Variants in CALN1 observed in about 807,000 individuals in gnomAD.
CALN1 encodes the protein calcium-binding protein 8.
CALN1 carries 17 observed loss-of-function variants against 30.6 expected under a neutral mutation model. The ratio of observed to expected loss-of-function variants is 0.56; its 90% CI spans 0.38 to 0.83. The LOEUF (loss-of-function observed/expected upper bound fraction) is 0.83. CALN1 is among the 40% of genes least tolerant of loss of function. CALN1 has a pLI of 0.00. For missense variants in CALN1, 291 were observed against 354.9 expected (o/e 0.82, Z 1.45); for synonymous variants, 156 against 131.4 (o/e 1.19, Z -1.28).
At chr7:71,952,953 G>C (rs1349276312) in intron 5 of CALN1, among the ~76,000 whole-genome samples, 3 of 152,074 alleles carry the variant, frequency 2.0e-5, no homozygotes, top group Admixed American at 1.3e-4. Context: ...TCGTGACTCA[G>C]TCCTCCATAA....
intron 3 of CALN1, among the ~76,000 whole-genome samples, chr7:72,204,008 T>G (rs1325418510): frequency 1.7e-5 from 2 of 120,518 alleles, no homozygotes; most frequent in African/African-American, 3.0e-5. Flanking sequence ...TTTTTTTTTT[T>G]TGAGACAGAG....
intron 5 of CALN1, among the ~76,000 whole-genome samples, chr7:71,884,254 T>C (rs960327396): frequency 6.6e-6 from 1 of 152,042 alleles, no homozygotes; most frequent in African/African-American, 2.4e-5. Context: ...CCTGGGACTT[T>C]TGGGGATGGG....
chr7:72,352,093 G>A (rs1802950555), intron 2 of CALN1, among the ~76,000 whole-genome samples: 1 of 152,188 alleles, frequency 6.6e-6, no homozygotes. Context: ...TTTGAACCCA[G>A]GAGGTGGAGG....
intron 5 of CALN1, among the ~76,000 whole-genome samples, chr7:71,831,997 G>A (rs777671226): frequency 7.9e-5 from 12 of 151,446 alleles, no homozygotes; most frequent in East Asian, 1.9e-4. Flanking sequence ...TGATAGGCCC[G>A]TTAATGATGT....
At chr7:71,871,634 C>A (rs1161530867) in intron 5 of CALN1, among the ~76,000 whole-genome samples, 5 of 152,152 alleles carry the variant, frequency 3.3e-5, no homozygotes, top group African/African-American at 4.8e-5. Context: ...TGCCTGCCCC[C>A]ACTCCCACCA....
rs549043500 is a variant in CALN1 at position 71,990,609 on chromosome 7, C to T, written c.501+33048G>A. 3.9e-5 allele frequency among the ~76,000 whole-genome samples: 6 copies of T among 152,112 alleles called. No individual in the cohort carries two copies. The East Asian group carries it at 7.7e-4, about 20-fold the overall frequency. ...CTGTGATTACAGGTATGCATCACCACGCCCGGCTAAGTTTTGTATTTTTAG... is the reference window on the plus strand; with the variant it reads ...CTGTGATTACAGGTATGCATCACCATGCCCGGCTAAGTTTTGTATTTTTAG... On this transcript the variant is annotated intron_variant, in intron 5 of 6. Transcript: ENST00000395275.
chr7:72,172,464 C>T (rs1789038086), intron 3 of CALN1, among the ~76,000 whole-genome samples: 1 of 152,026 alleles, frequency 6.6e-6, no homozygotes, highest in Non-Finnish European at 1.5e-5. Flanking sequence ...AAAAAGCAGA[C>T]AAAACAATGA....
At chr7:72,077,401 G>A (rs1804821668) in intron 4 of CALN1, among the ~76,000 whole-genome samples, 1 of 152,180 alleles carries the variant, frequency 6.6e-6, no homozygotes, top group African/African-American at 2.4e-5. Context: ...AGCCTCCTGA[G>A]TAGCTGGGAT....
chr7:72,328,674 C>T (rs1438860104), intron 2 of CALN1, among the ~76,000 whole-genome samples: 1 of 152,156 alleles, frequency 6.6e-6, no homozygotes, highest in Non-Finnish European at 1.5e-5. Context: ...CTATTCAAGG[C>T]ATTGGTGATC....
intron 3 of CALN1, among the ~76,000 whole-genome samples, chr7:72,138,117 G>A (rs1015826382): frequency 6.6e-6 from 1 of 152,144 alleles, no homozygotes; most frequent in Non-Finnish European, 1.5e-5. Flanking sequence ...AATGACATGA[G>A]CAAATATGTT....
At chr7:72,174,533 A>G (rs1433240477) in intron 3 of CALN1, among the ~76,000 whole-genome samples, 3 of 152,234 alleles carry the variant, frequency 2.0e-5, no homozygotes, top group African/African-American at 2.4e-5. Context: ...GTGGATGGAT[A>G]AATTGTGGAA....
At chr7:72,351,065 C>T (rs371599299) in intron 2 of CALN1, among the ~76,000 whole-genome samples, 2 of 152,044 alleles carry the variant, frequency 1.3e-5, no homozygotes, top group South Asian at 2.1e-4. Flanking sequence ...CACTGGAACC[C>T]GGGAGGTGGA....
chr7:72,363,300 G>A (rs988598219), intron 2 of CALN1, among the ~76,000 whole-genome samples: 10 of 152,072 alleles, frequency 6.6e-5, no homozygotes, highest in African/African-American at 1.9e-4. Context: ...GTGCAGTGGC[G>A]TGATCTCGGC....
At chr7:71,869,196 A>G (rs1248027358) in intron 5 of CALN1, among the ~76,000 whole-genome samples, 1 of 152,016 alleles carries the variant, frequency 6.6e-6, no homozygotes, top group Non-Finnish European at 1.5e-5. Flanking sequence ...CAACTTTTTC[A>G]AGACCTGGAA....
chr7:72,411,879 A>G (rs1807184323), intron 1 of CALN1, among the ~76,000 whole-genome samples, 179 bp downstream of exon 1: 1 of 152,228 alleles, frequency 6.6e-6, no homozygotes, highest in Admixed American at 6.5e-5. Flanking sequence ...ATAGTTGATG[A>G]AGCAACTCTC....
chr7:72,341,000 A>G (rs1802355064), intron 2 of CALN1, among the ~76,000 whole-genome samples: 1 of 152,168 alleles, frequency 6.6e-6, no homozygotes, highest in Non-Finnish European at 1.5e-5. Context: ...TAAATTACCC[A>G]GTCTCAGCTA....
chr7:72,129,315 G>T (rs1430757394), intron 3 of CALN1, among the ~76,000 whole-genome samples: 1 of 152,058 alleles, frequency 6.6e-6, no homozygotes, highest in Non-Finnish European at 1.5e-5. Flanking sequence ...GTGCAATTTG[G>T]CAATTTATAC....
At chr7:71,894,616 C>T (rs1312716987) in intron 5 of CALN1, among the ~76,000 whole-genome samples, 2 of 152,056 alleles carry the variant, frequency 1.3e-5, no homozygotes, top group Non-Finnish European at 2.9e-5. Flanking sequence ...TTCTGTATTC[C>T]AGATGAGATT....
chr7:72,398,105 G>A lies in CALN1; in HGVS notation c.119+5146C>T, dbSNP rs180831093. On this transcript the variant is annotated intron_variant, in intron 2 of 6. Transcript: ENST00000395275. ...ACACCTGTTAGGGACAGGGAAGAGAGGCAAGAAGAGGAGAAATAAAGATGG... is the reference window on the plus strand; with the variant it reads ...ACACCTGTTAGGGACAGGGAAGAGAAGCAAGAAGAGGAGAAATAAAGATGG... Among the ~76,000 whole-genome samples, 475 of 152,268 alleles carry A rather than the reference G, an allele frequency of 3.1e-3. 2 individuals are homozygous for A. The highest frequency in any genetic ancestry group is 9.3e-3 in the African/African-American group (387 of 41,564).
Sources: gnomAD v4.1 joint callset for allele counts (sites outside exome capture counted in the v4.1 genomes callset) on GRCh38, gnomAD v4.1.1 for gene constraint, MANE v1.5 for transcripts, NCBI Gene and HGNC (gene_info 2026-07-23, HGNC 2026-07-21) for gene names.